The following KIAA1671 variants were observed in gnomAD, a reference collection of about 807,000 sequenced individuals.
KIAA1671 encodes KIAA1671.
KIAA1671 carries 52 observed loss-of-function variants against 131.2 expected under a neutral mutation model. That is an observed-to-expected ratio of 0.40 (90% confidence interval 0.32 to 0.50). KIAA1671 has a LOEUF of 0.50. Among genes scored for constraint, KIAA1671 ranks in the 20% least tolerant of loss-of-function variants. The pLI is 0.73. For missense variants in KIAA1671, 2,360 were observed against 2,364.2 expected (o/e 1.00, Z 0.04); for synonymous variants, 1,003 against 961.6 (o/e 1.04, Z -0.80).
chr22:25,085,811 A>G (rs940777987), intron 6 of KIAA1671, among the ~76,000 whole-genome samples: 20 of 150,826 alleles, frequency 1.3e-4, no homozygotes, highest in African/African-American at 4.4e-4. Context: ...GGGAGGGAGG[A>G]AGGGAGGAAG....
At chr22:25,015,847 T>C (rs1925284820) in intron 1 of KIAA1671, among the ~76,000 whole-genome samples, 1 of 151,884 alleles carries the variant, frequency 6.6e-6, no homozygotes, top group Non-Finnish European at 1.5e-5. Context: ...TCTGATGGAA[T>C]TTACACAGGA....
intron 6 of KIAA1671, among the ~76,000 whole-genome samples, chr22:25,136,278 C>G (rs1195818925): frequency 6.6e-6 from 1 of 152,200 alleles, no homozygotes; most frequent in Non-Finnish European, 1.5e-5. Context: ...CAAACACAAT[C>G]AGCATTATGA....
intron 1 of KIAA1671, among the ~76,000 whole-genome samples, chr22:24,983,543 A>G (rs1394201390): frequency 1.3e-5 from 2 of 150,012 alleles, no homozygotes; most frequent in Non-Finnish European, 3.0e-5. Context: ...TTGGGGAGAC[A>G]GTTTTTCTCC....
Position 25,197,209 on chromosome 22 carries a change from A to G in KIAA1671, c.*4808A>G, listed in dbSNP as rs1934856170. 1 of 152,338 alleles carries G rather than the reference A, an allele frequency of 6.6e-6. No individual in the cohort carries two copies. Among genetic ancestry groups the G allele is most frequent in the African/African-American group, 2.4e-5 (1 of 41,574 alleles). The allele number at this position is 152,338 out of a possible 1,614,324, so 9.4% of individuals were successfully genotyped here. On this transcript the variant is annotated 3_prime_UTR_variant, in exon 13 of 13. Transcript: ENST00000358431. ...TCTCTAACCGTGTGACTGAGAAGTCATCTAGAAAAACTTATATTTTTAATG... is the reference window on the plus strand; with the variant it reads ...TCTCTAACCGTGTGACTGAGAAGTCGTCTAGAAAAACTTATATTTTTAATG...
Position 25,029,104 on chromosome 22 carries a change from G to T in KIAA1671, c.1105G>T (p.Ala369Ser). The change falls in exon 3 of 13, where the codon GCC becomes TCC. Residue 369 changes from alanine (A) to serine (S), a missense_variant. Coordinates refer to ENST00000358431, the MANE Select transcript of KIAA1671 (RefSeq NM_001145206.2). ...LSKPEMGSPR[A>S]LVGGSSGVTP... ...GAAGCCGGAGATGGGCAGCCCCAGA[G>T]CCCTGGTGGGGGGCTCATCTGGGGT... The T allele has an allele frequency of 6.8e-7, 1 of 1,477,262 alleles. No homozygotes were observed. 91.5% of individuals were successfully genotyped at this position (1,477,262 alleles called of 1,614,324 possible).
intron 6 of KIAA1671, among the ~76,000 whole-genome samples, chr22:25,095,690 AATG>A (rs1324246743): frequency 6.6e-6 from 1 of 152,108 alleles, no homozygotes; most frequent in Non-Finnish European, 1.5e-5. Context: ...GAAACATGTA[AATG>A]ATGATAAGCT....
At chr22:25,173,473 T>A (rs992469442) in intron 7 of KIAA1671, among the ~76,000 whole-genome samples, 1 of 152,182 alleles carries the variant, frequency 6.6e-6, no homozygotes, top group Non-Finnish European at 1.5e-5. Context: ...CACCTGCTCT[T>A]CCATAGGTAA....
At chr22:25,107,305 T>G (rs1931062042) in intron 6 of KIAA1671, among the ~76,000 whole-genome samples, 1 of 151,770 alleles carries the variant, frequency 6.6e-6, no homozygotes, top group Non-Finnish European at 1.5e-5. Flanking sequence ...TAGTCCCAGC[T>G]ATTCGGGAGA....
At chr22:25,115,312 C>T (rs974029362) in intron 6 of KIAA1671, among the ~76,000 whole-genome samples, 6 of 152,114 alleles carry the variant, frequency 3.9e-5, no homozygotes, top group African/African-American at 9.7e-5. Context: ...GGAATAAAAG[C>T]GGGAAGTGGG....
chr22:25,181,372 C>T (rs914788641), intron 9 of KIAA1671, among the ~76,000 whole-genome samples: 1 of 151,592 alleles, frequency 6.6e-6, no homozygotes, highest in Non-Finnish European at 1.5e-5. Flanking sequence ...GCATTCCTAT[C>T]TACTTTCCTG....
intron 6 of KIAA1671, among the ~76,000 whole-genome samples, chr22:25,127,876 GA>G (rs1384154893): frequency 6.6e-6 from 1 of 152,216 alleles, no homozygotes; most frequent in East Asian, 1.9e-4. Flanking sequence ...GCCATTGGTT[GA>G]AAAATGGTTT....
intron 1 of KIAA1671, among the ~76,000 whole-genome samples, chr22:25,007,302 A>G (rs1255403781): frequency 6.6e-6 from 1 of 152,072 alleles, no homozygotes; most frequent in African/African-American, 2.4e-5. Context: ...CCTGGCCAAC[A>G]TGGTGAAACC....
intron 9 of KIAA1671, among the ~76,000 whole-genome samples, chr22:25,179,031 C>G (rs549302288): frequency 2.3e-4 from 35 of 151,916 alleles, no homozygotes; most frequent in African/African-American, 8.5e-4. Context: ...CGGTCACCGC[C>G]ACCTCTCTCA....
intron 6 of KIAA1671, among the ~76,000 whole-genome samples, chr22:25,164,291 C>T (rs575969529): frequency 1.5e-4 from 23 of 152,354 alleles, no homozygotes; most frequent in African/African-American, 5.3e-4. Context: ...CTCCGCTTCC[C>T]ACTCACCAGG....
chr22:25,146,277 T>C (rs1021568100), intron 6 of KIAA1671, among the ~76,000 whole-genome samples: 2 of 152,242 alleles, frequency 1.3e-5, no homozygotes, highest in African/African-American at 4.8e-5. Context: ...AACCCAGGTC[T>C]GTCTGACCTC....
chr22:25,041,178 C>A lies in KIAA1671; in HGVS notation c.4048C>A (p.Pro1350Thr). ...TCAGAATTACCTGGCTGAGTCAAAG[C>A]CCTCTGGTCGGGAGGATCCAGGCAG... ...KCQNYLAESK[P>T]SGREDPGSGV... The change falls in exon 5 of 13, where the codon CCC becomes ACC. Residue 1350 changes from proline (P) to threonine (T), a missense_variant. Transcript: ENST00000358431. The A allele has an allele frequency of 1.3e-6, 2 of 1,551,764 alleles. No individual in the cohort carries two copies. The highest frequency in any genetic ancestry group is 1.7e-6 in the Non-Finnish European group (2 of 1,146,990).
intron 6 of KIAA1671, among the ~76,000 whole-genome samples, chr22:25,124,011 G>A (rs1211337336): frequency 2.0e-5 from 3 of 152,190 alleles, no homozygotes; most frequent in African/African-American, 7.2e-5. Context: ...GTAATGTGTA[G>A]GTGTTGGTAT....
At chr22:25,001,637 G>A (rs951608631) in intron 1 of KIAA1671, among the ~76,000 whole-genome samples, 12 of 152,094 alleles carry the variant, frequency 7.9e-5, no homozygotes, top group Non-Finnish European at 1.5e-4. Flanking sequence ...AGATTGAATA[G>A]GATTAGAGTG....
At chr22:25,032,482 C>T (rs2145793679) in intron 3 of KIAA1671, 127 bp from the exon 4 acceptor site, 2 of 557,086 alleles carry the variant, frequency 3.6e-6, no homozygotes, top group East Asian at 5.8e-5. Flanking sequence ...GGGCAGTTCT[C>T]CTTTTGGTAA....
Sources: gnomAD v4.1 joint callset for allele counts (sites outside exome capture counted in the v4.1 genomes callset) on GRCh38, gnomAD v4.1.1 for gene constraint, MANE v1.5 for transcripts, NCBI Gene and HGNC (gene_info 2026-07-23, HGNC 2026-07-21) for gene names.